The following BCL2L13 variants were observed in gnomAD, a reference collection of about 807,000 sequenced individuals.
The protein encoded by BCL2L13 is bcl-2-like protein 13.
BCL2L13 carries 13 observed loss-of-function variants against 25.8 expected under a neutral mutation model. That is an observed-to-expected ratio of 0.50 (90% CI 0.33 to 0.80). BCL2L13 has a LOEUF of 0.80. Among genes scored for constraint, BCL2L13 ranks in the 30% least tolerant of loss-of-function variants. The pLI is 0.02. For synonymous variants in BCL2L13, 244 were observed against 230.3 expected, an observed-to-expected ratio of 1.06 and a Z score of -0.54; for missense variants, 504 against 574.9, an observed-to-expected ratio of 0.88 and a Z score of 1.26.
chr22:17,637,060 G>A (rs1420619251), upstream of BCL2L13, among the ~76,000 whole-genome samples: 2 of 151,892 alleles, frequency 1.3e-5, no homozygotes, highest in Admixed American at 1.3e-4. Flanking sequence ...ATCTCTTGAG[G>A]TCAGGAGTAG....
At chr22:17,636,331 G>GA (rs75562807), upstream of BCL2L13, among the ~76,000 whole-genome samples, 5,845 of 103,026 alleles carry the variant, frequency 0.057, 368 homozygotes, top group African/African-American at 0.18. Context: ...TCAAAAAAAA[G>GA]AAAAAAAAAA....
chr22:17,678,342 G>T (rs545445482), intron 2 of BCL2L13, among the ~76,000 whole-genome samples: 98 of 152,094 alleles, frequency 6.4e-4, no homozygotes, highest in Non-Finnish European at 1.0e-3. Flanking sequence ...ATTAAATAAG[G>T]GGACATGAAA....
chr22:17,724,903 A>G (rs1258161448), intron 6 of BCL2L13, among the ~76,000 whole-genome samples: 1 of 152,146 alleles, frequency 6.6e-6, no homozygotes, highest in Non-Finnish European at 1.5e-5. Flanking sequence ...TACACCTGTC[A>G]TAAAGCTTTC....
intron 2 of BCL2L13, among the ~76,000 whole-genome samples, chr22:17,674,234 T>C (rs951622076): frequency 6.6e-6 from 1 of 152,188 alleles, no homozygotes; most frequent in Admixed American, 6.6e-5. Flanking sequence ...ATAGACAGAA[T>C]TTGAATTATC....
At chr22:17,647,909 G>A (rs1272539665) in intron 1 of BCL2L13, among the ~76,000 whole-genome samples, 2 of 151,990 alleles carry the variant, frequency 1.3e-5, no homozygotes, top group East Asian at 1.9e-4. Context: ...TGGGCGGATC[G>A]GGAGATAAGG....
At position 17,728,888 on chromosome 22, in the gene BCL2L13, G is replaced by A. The variant is rs2145855283; in HGVS notation, c.*1354G>A. On this transcript the variant is annotated 3_prime_UTR_variant, in exon 7 of 7. Coordinates refer to ENST00000317582, the MANE Select transcript of BCL2L13 (RefSeq NM_015367.4). ...CGGCATAATTTTCTTTCCTCTGGCTGATCCCAGCCCTAAAGGAAGGGTAGA... is the reference window on the plus strand; with the variant it reads ...CGGCATAATTTTCTTTCCTCTGGCTAATCCCAGCCCTAAAGGAAGGGTAGA... The A allele has an allele frequency of 6.6e-6, 1 of 152,220 alleles. No homozygotes were observed. The highest frequency in any genetic ancestry group is 1.9e-4 in the East Asian group (1 of 5,172). 9.4% of individuals were successfully genotyped at this position (152,220 alleles called of 1,614,324 possible).
At chr22:17,695,572 G>C (rs181023201) in intron 4 of BCL2L13, among the ~76,000 whole-genome samples, 1 of 151,852 alleles carries the variant, frequency 6.6e-6, no homozygotes, top group Non-Finnish European at 1.5e-5. Context: ...CACCTGCCTC[G>C]GCCTCTCAAA....
chr22:17,664,388 C>G (rs1049612075), intron 2 of BCL2L13, among the ~76,000 whole-genome samples: 6 of 148,180 alleles, frequency 4.0e-5, no homozygotes, highest in African/African-American at 1.5e-4. Context: ...AGAGCTCCAC[C>G]TGTGTGGCTT....
intron 2 of BCL2L13, among the ~76,000 whole-genome samples, chr22:17,670,546 G>C (rs751781752): frequency 2.0e-5 from 3 of 151,676 alleles, no homozygotes; most frequent in Non-Finnish European, 2.9e-5. Context: ...GGCTTATTTT[G>C]TGTTCTTAGT....
intron 4 of BCL2L13, among the ~76,000 whole-genome samples, chr22:17,691,052 A>G (rs868265779): frequency 6.6e-5 from 10 of 151,816 alleles, no homozygotes; most frequent in Admixed American, 3.3e-4. Flanking sequence ...TTTTGTAGAG[A>G]CAGGGTCTCA....
rs2061327739 is a variant in BCL2L13, at chr22:17,727,396, G to A, written c.1320G>A (p.Lys440=). 1 of 1,614,246 alleles carries A rather than the reference G, an allele frequency of 6.2e-7. No homozygotes were observed. The highest frequency in any genetic ancestry group is 2.2e-5 in the East Asian group (1 of 44,882). Residue 440 remains lysine (K), a synonymous_variant, in exon 7 of 7, where the codon AAG becomes AAA. Coordinates refer to ENST00000317582, the MANE Select transcript of BCL2L13 (RefSeq NM_015367.4). ...AGCCCGTGCCGCCGTCTGAGGGCAA[G>A]TCTAGACTGTCCCCCGCCGGTGAGA... ...EKKPVPPSEG[K]SRLSPAGEMK...
intron 4 of BCL2L13, among the ~76,000 whole-genome samples, chr22:17,690,626 G>C (rs1050006280): frequency 6.6e-6 from 1 of 152,108 alleles, no homozygotes; most frequent in Non-Finnish European, 1.5e-5. Flanking sequence ...TAGCCAGTGT[G>C]ATGGCATGTT....
At chr22:17,653,222 A>G (rs1179187574) in intron 1 of BCL2L13, among the ~76,000 whole-genome samples, 1 of 152,140 alleles carries the variant, frequency 6.6e-6, no homozygotes, top group Non-Finnish European at 1.5e-5. Context: ...TGATTTCCTT[A>G]TCCTTCCCAA....
At chr22:17,710,067 TAAAAAAAAAAAAAA>T (rs71201876) in intron 6 of BCL2L13, among the ~76,000 whole-genome samples, 1 of 91,790 alleles carries the variant, frequency 1.1e-5, no homozygotes. Context: ...GACCTTGTCT[TAAAAAAAAAAAAAA>T]AAAAAAAAAA....
intron 5 of BCL2L13, among the ~76,000 whole-genome samples, chr22:17,697,990 A>G (rs554281524): frequency 1.3e-5 from 2 of 152,160 alleles, no homozygotes; most frequent in South Asian, 4.1e-4. Context: ...TAATTTTTGT[A>G]TTCTTAGTAG....
At chr22:17,645,904 C>G (rs1038896570) in intron 1 of BCL2L13, among the ~76,000 whole-genome samples, 4 of 151,290 alleles carry the variant, frequency 2.6e-5, no homozygotes, top group Admixed American at 2.0e-4. Context: ...ACACAAATAA[C>G]AATAAAAACA....
At chr22:17,656,253 T>A (rs867064421) in intron 2 of BCL2L13, among the ~76,000 whole-genome samples, 28 of 120,412 alleles carry the variant, frequency 2.3e-4, no homozygotes, top group South Asian at 9.0e-4. Flanking sequence ...AAAAAAAAAA[T>A]ATACACAAAA....
chr22:17,712,941 T>C (rs2060803661), intron 6 of BCL2L13, among the ~76,000 whole-genome samples: 1 of 152,218 alleles, frequency 6.6e-6, no homozygotes, highest in Non-Finnish European at 1.5e-5. Flanking sequence ...TTACAGTTAA[T>C]GAAATGTCTA....
intron 1 of BCL2L13, among the ~76,000 whole-genome samples, chr22:17,649,101 ATT>A (rs1003063155): frequency 1.4e-5 from 2 of 142,520 alleles, no homozygotes; most frequent in Admixed American, 7.0e-5. Flanking sequence ...GCCCGGCTCA[ATT>A]TTTTTTTTTT....
Sources: gnomAD v4.1 joint callset for allele counts (sites outside exome capture counted in the v4.1 genomes callset) on GRCh38, gnomAD v4.1.1 for gene constraint, MANE v1.5 for transcripts, NCBI Gene and HGNC (gene_info 2026-07-23, HGNC 2026-07-21) for gene names.